The following GABRG3 variants were observed in gnomAD, a reference collection of about 807,000 sequenced individuals.
The protein encoded by GABRG3 is gamma-aminobutyric acid receptor subunit gamma-3.
A neutral mutation model predicts 48.8 loss-of-function variants in GABRG3; 25 were observed. The ratio of observed to expected loss-of-function variants is 0.51; its 90% CI spans 0.37 to 0.72. GABRG3 has a LOEUF of 0.72. Among genes scored for constraint, GABRG3 ranks in the 30% least tolerant of loss-of-function variants. The pLI is 0.00. For synonymous variants in GABRG3, 227 were observed against 217.6 expected, an observed-to-expected ratio of 1.04 and a Z score of -0.38; for missense variants, 394 against 577.9, an observed-to-expected ratio of 0.68 and a Z score of 3.26.
intron 3 of GABRG3, among the ~76,000 whole-genome samples, chr15:27,301,405 T>TG (rs1338345343): frequency 6.6e-6 from 1 of 152,180 alleles, no homozygotes; most frequent in Non-Finnish European, 1.5e-5. Flanking sequence ...TACTACAGTT[T>TG]ATCTGGTTTC....
intron 5 of GABRG3, among the ~76,000 whole-genome samples, chr15:27,371,229 C>T (rs1025858250): frequency 4.6e-5 from 7 of 152,086 alleles, no homozygotes; most frequent in African/African-American, 9.7e-5. Context: ...TAGCAACCAT[C>T]GATAGAATAT....
At chr15:27,023,810 G>A (rs1224410522) in intron 2 of GABRG3, among the ~76,000 whole-genome samples, 2 of 152,188 alleles carry the variant, frequency 1.3e-5, no homozygotes, top group African/African-American at 2.4e-5. Context: ...TCCTTTGGGT[G>A]TATACCCAGA....
Position 27,514,955 on chromosome 15 carries a change from G to A in GABRG3, c.713-5017G>A, listed in dbSNP as rs8043351. Among the ~76,000 whole-genome samples the A allele has an allele frequency of 1.9e-3, 285 of 152,154 alleles. 4 individuals are homozygous for A. The highest frequency in any genetic ancestry group is 6.4e-3 in the African/African-American group (267 of 41,514). On this transcript the variant is annotated intron_variant, in intron 6 of 9. Transcript: ENST00000615808. ...AGGAGAAAAGCAAAACTTGTGTAAGGGAACTTAATGGTCCTGGGTTATTAA... is the reference window on the plus strand; with the variant it reads ...AGGAGAAAAGCAAAACTTGTGTAAGAGAACTTAATGGTCCTGGGTTATTAA...
rs1392249471 is a variant in GABRG3 at position 27,306,653 on chromosome 15, T to TACA, written c.271-20155_271-20154insCAA. 6.5e-4 allele frequency among the ~76,000 whole-genome samples: 40 copies of TACA among 61,074 alleles called. 1 individual carries two copies. The highest frequency in any genetic ancestry group is 0.016 in the Middle Eastern group (1 of 64). 40.1% of individuals were successfully genotyped at this position (61,074 alleles called of 152,430 possible). On this transcript the variant is annotated intron_variant, in intron 3 of 9. Transcript: ENST00000615808. Reference sequence around the variant, plus strand: ...AAACATATATTTATATATAAACATATATATGAACATGTTTATATATAAACA... The same window carrying TACA: ...AAACATATATTTATATATAAACATATACAATATGAACATGTTTATATATAAACA...
chr15:27,438,839 C>G (rs911297375), intron 5 of GABRG3, among the ~76,000 whole-genome samples: 15 of 152,208 alleles, frequency 9.9e-5, no homozygotes, highest in African/African-American at 3.6e-4. Flanking sequence ...GGTGCTTGGC[C>G]CAGGGCACCA....
chr15:27,460,431 C>T (rs1406087573), intron 5 of GABRG3, among the ~76,000 whole-genome samples: 6 of 152,174 alleles, frequency 3.9e-5, no homozygotes, highest in African/African-American at 1.4e-4. Flanking sequence ...TGTTTATTTG[C>T]AGGGCGCCCC....
intron 3 of GABRG3, among the ~76,000 whole-genome samples, chr15:27,240,808 G>GC (rs1181072795): frequency 6.6e-6 from 1 of 152,132 alleles, no homozygotes; most frequent in African/African-American, 2.4e-5. Context: ...TGTGTGAAAT[G>GC]CAGGTTTCAA....
At chr15:27,308,397 A>G (rs898444332) in intron 3 of GABRG3, among the ~76,000 whole-genome samples, 1 of 145,318 alleles carries the variant, frequency 6.9e-6, no homozygotes, top group Non-Finnish European at 1.5e-5. Flanking sequence ...ATAAACATAT[A>G]ATATAAACAT....
intron 3 of GABRG3, among the ~76,000 whole-genome samples, chr15:27,253,383 CCTT>C (rs1890520750): frequency 6.6e-6 from 1 of 152,292 alleles, no homozygotes; most frequent in African/African-American, 2.4e-5. Flanking sequence ...TGTCCCCTCT[CCTT>C]CTGCCTTAGC....
intron 6 of GABRG3, among the ~76,000 whole-genome samples, chr15:27,501,814 A>C (rs1890647509): frequency 6.6e-6 from 1 of 152,150 alleles, no homozygotes; most frequent in African/African-American, 2.4e-5. Flanking sequence ...AAGAGTTTTC[A>C]TTTCAGGTAC....
intron 3 of GABRG3, among the ~76,000 whole-genome samples, chr15:27,132,980 A>T (rs981470158): frequency 1.6e-4 from 24 of 150,894 alleles, no homozygotes; most frequent in African/African-American, 5.8e-4. Flanking sequence ...CTGTTCTATA[A>T]TTTTTTTTAT....
chr15:27,344,520 T>C (rs978345117), intron 5 of GABRG3, among the ~76,000 whole-genome samples: 1 of 152,196 alleles, frequency 6.6e-6, no homozygotes, highest in Non-Finnish European at 1.5e-5. Context: ...TCTCTCTATT[T>C]AGCTAAATTA....
chr15:27,478,451 A>C (rs183012899), intron 5 of GABRG3, among the ~76,000 whole-genome samples: 1 of 152,354 alleles, frequency 6.6e-6, no homozygotes, highest in African/African-American at 2.4e-5. Context: ...AACAATGATG[A>C]TATGCCACGT....
At chr15:27,208,351 G>T in intron 3 of GABRG3, 2 of 228,774 alleles carry the variant, frequency 8.7e-6, no homozygotes, top group South Asian at 1.6e-4. Context: ...TGCTGAGGTT[G>T]AACTCCTGCA....
chr15:27,480,449 G>C (rs550609676), intron 5 of GABRG3, among the ~76,000 whole-genome samples: 1 of 152,264 alleles, frequency 6.6e-6, no homozygotes, highest in Admixed American at 6.5e-5. Flanking sequence ...CTGGCCATTC[G>C]TGAAGATCTA....
At chr15:27,153,346 G>T (rs1169488807) in intron 3 of GABRG3, among the ~76,000 whole-genome samples, 2 of 152,002 alleles carry the variant, frequency 1.3e-5, no homozygotes, top group East Asian at 1.9e-4. Flanking sequence ...CTGTTCCATT[G>T]ATCTATGTGT....
At chr15:27,037,658 T>C (rs1896202514) in intron 3 of GABRG3, among the ~76,000 whole-genome samples, 1 of 152,212 alleles carries the variant, frequency 6.6e-6, no homozygotes, top group Non-Finnish European at 1.5e-5. Flanking sequence ...TAAGGGCCAC[T>C]GTTTTACTGG....
chr15:27,136,638 T>C (rs1898012904), intron 3 of GABRG3, among the ~76,000 whole-genome samples: 1 of 152,224 alleles, frequency 6.6e-6, no homozygotes, highest in African/African-American at 2.4e-5. Flanking sequence ...ATTCTGATTA[T>C]GTGGAAATGG....
At chr15:27,019,995 A>G (rs916444729) in intron 2 of GABRG3, among the ~76,000 whole-genome samples, 2 of 152,192 alleles carry the variant, frequency 1.3e-5, no homozygotes, top group Admixed American at 6.5e-5. Flanking sequence ...GTTTAATTCC[A>G]GGGGCCTTAA....
Sources: gnomAD v4.1 joint callset for allele counts (sites outside exome capture counted in the v4.1 genomes callset) on GRCh38, gnomAD v4.1.1 for gene constraint, MANE v1.5 for transcripts, NCBI Gene and HGNC (gene_info 2026-07-23, HGNC 2026-07-21) for gene names.